WDR20: variants seen among roughly 807,000 people sequenced by gnomAD.
WDR20 encodes the protein WD repeat-containing protein 20.
WDR20 carries 3 observed loss-of-function variants against 38.7 expected under a neutral mutation model. The ratio of observed to expected loss-of-function variants is 0.08; its 90% CI spans 0.04 to 0.20. The LOEUF is 0.20. Among genes scored for constraint, WDR20 ranks in the 10% least tolerant of loss-of-function variants. The pLI is 1.00. For missense variants in WDR20, 559 were observed against 727.7 expected (o/e 0.77, Z 2.67); for synonymous variants, 298 against 285.6 (o/e 1.04, Z -0.44).
rs1002607323 is a variant in WDR20, at chr14:102,208,374, G to A, written c.433-229G>A. Among the ~76,000 whole-genome samples, 3 of 152,174 alleles carry A rather than the reference G, an allele frequency of 2.0e-5. No homozygotes were observed. Among genetic ancestry groups the A allele is most frequent in the Non-Finnish European group, 4.4e-5 (3 of 68,032 alleles). Reference sequence around the variant, plus strand: ...CTCTGCAAATATCTGTTGGCTGCCTGACTCCCTCCGTGAAAGCCAGCAGCC... The same window carrying A: ...CTCTGCAAATATCTGTTGGCTGCCTAACTCCCTCCGTGAAAGCCAGCAGCC... On this transcript the variant is annotated intron_variant, in intron 2 of 2. Coordinates refer to ENST00000342702, the MANE Select transcript of WDR20 (RefSeq NM_144574.4). This position sits in a 1 kb window ranked among gnomAD's most constrained non-coding sequence, Gnocchi z 5.6.
chr14:102,141,967 T>C (rs1192052022), intron 1 of WDR20, among the ~76,000 whole-genome samples: 1 of 152,202 alleles, frequency 6.6e-6, no homozygotes, highest in Non-Finnish European at 1.5e-5. Context: ...TGGCAGACCT[T>C]ATCTGGATCT....
At chr14:102,195,174 C>T in intron 2 of WDR20, 54 bp downstream of exon 2, 1 of 1,578,554 alleles carries the variant, frequency 6.3e-7, no homozygotes, top group Non-Finnish European at 8.6e-7. Context: ...TTGATACATT[C>T]TTACCGAGGG....
chr14:102,154,746 T>A (rs544634369), intron 1 of WDR20, among the ~76,000 whole-genome samples: 1 of 152,198 alleles, frequency 6.6e-6, no homozygotes, highest in Non-Finnish European at 1.5e-5. Flanking sequence ...AATGAGTGTA[T>A]ACTTTGTTGC....
At chr14:102,140,714 C>T (rs1438700157) in intron 1 of WDR20, among the ~76,000 whole-genome samples, 2 of 152,186 alleles carry the variant, frequency 1.3e-5, no homozygotes, top group South Asian at 2.1e-4. Context: ...ACTGACACTT[C>T]CTAGGAGCCT....
At chr14:102,173,430 TAAAA>T (rs2061387328) in intron 1 of WDR20, among the ~76,000 whole-genome samples, 1 of 135,204 alleles carries the variant, frequency 7.4e-6, no homozygotes, top group East Asian at 2.1e-4. Flanking sequence ...TTTCTTTTTT[TAAAA>T]TTATTATTAT....
intron 1 of WDR20, among the ~76,000 whole-genome samples, chr14:102,153,407 C>T (rs1393697707): frequency 6.7e-6 from 1 of 150,322 alleles, no homozygotes; most frequent in Non-Finnish European, 1.5e-5. Flanking sequence ...CCTGGGTTCA[C>T]GCCATTCTCC....
At chr14:102,201,703 A>G (rs2060421253) in intron 2 of WDR20, among the ~76,000 whole-genome samples, 1 of 152,150 alleles carries the variant, frequency 6.6e-6, no homozygotes, top group Non-Finnish European at 1.5e-5. Flanking sequence ...GTACATAGAA[A>G]TGTGTCTGTA....
At chr14:102,197,987 G>C (rs1445237471) in intron 2 of WDR20, 1 of 533,336 alleles carries the variant, frequency 1.9e-6, no homozygotes, top group African/African-American at 1.9e-5. Flanking sequence ...GGAGGGAAGA[G>C]AGGTATAATA....
chr14:102,184,704 T>A (rs2064179340), intron 1 of WDR20, among the ~76,000 whole-genome samples: 1 of 152,172 alleles, frequency 6.6e-6, no homozygotes, highest in Non-Finnish European at 1.5e-5. Flanking sequence ...TGACTGTGTG[T>A]CTCTTCTCAT....
chr14:102,171,003 C>G (rs150911697), intron 1 of WDR20, among the ~76,000 whole-genome samples: 2,101 of 151,878 alleles, frequency 0.014, 59 homozygotes, highest in African/African-American at 0.048. Context: ...GCTCTGTCAC[C>G]CAGGCTAGAG....
chr14:102,201,587 G>C (rs1305882716), intron 2 of WDR20, among the ~76,000 whole-genome samples: 3 of 152,184 alleles, frequency 2.0e-5, no homozygotes, highest in African/African-American at 7.2e-5. Context: ...GGCACGGTCT[G>C]TTTGGCCTGC....
At chr14:102,146,205 C>T (rs1433796997) in intron 1 of WDR20, among the ~76,000 whole-genome samples, 2 of 151,968 alleles carry the variant, frequency 1.3e-5, no homozygotes, top group African/African-American at 4.8e-5. Context: ...GCTCTGTCGC[C>T]CAGGCTGGAG....
chr14:102,194,859 T>G lies in WDR20; in HGVS notation c.250-79T>G, dbSNP rs2059156303. 8.0e-6 allele frequency: 11 copies of G among 1,377,836 alleles called. No homozygotes were observed. In the South Asian group the frequency reaches 9.4e-5, roughly 12 times the overall value. The allele number at this position is 1,377,836 out of a possible 1,614,324, so 85.4% of individuals were successfully genotyped here. Reference sequence around the variant, plus strand: ...TTGTTTTTAAGATGAAACATCATAATGGAGTATAAAGTAGCATAACTTAGA... The same window carrying G: ...TTGTTTTTAAGATGAAACATCATAAGGGAGTATAAAGTAGCATAACTTAGA... On this transcript the variant is annotated intron_variant, in intron 1 of 2. Coordinates refer to ENST00000342702, the MANE Select transcript of WDR20 (RefSeq NM_144574.4).
intron 1 of WDR20, among the ~76,000 whole-genome samples, chr14:102,151,173 ATTTTTTTT>A (rs534503694): frequency 1.5e-4 from 17 of 111,530 alleles, no homozygotes; most frequent in East Asian, 7.3e-4. Flanking sequence ...CCATTGGGGA[ATTTTTTTT>A]TTTTTTTTTT....
Position 102,220,543 on chromosome 14 carries a change from A to T in WDR20, c.1693-2287A>T, listed in dbSNP as rs895486118. 6.6e-6 allele frequency among the ~76,000 whole-genome samples: 1 copy of T among 152,106 alleles called. No homozygotes were observed. Among genetic ancestry groups the T allele is most frequent in the Admixed American group, 6.5e-5 (1 of 15,280 alleles). The stretch of plus-strand genomic sequence containing the variant: ...TCTTCAAGACCATCCTAACAGTGAA[A>T]CCCCATCTCTACTAAAACTACAAAA... On this transcript the variant is annotated intron_variant, in intron 3 of 3. Transcript: ENST00000335263. This position sits in a 1 kb window ranked among gnomAD's most constrained non-coding sequence, Gnocchi z 4.2.
Position 102,153,070 on chromosome 14 carries a change from A to G in WDR20, c.249+12898A>G, listed in dbSNP as rs576142111. The stretch of plus-strand genomic sequence containing the variant: ...TCTCAGGAATGGTTTAGCACCATCT[A>G]CTTGGTGCTGCCCTCACGCTAGTGA... On this transcript the variant is annotated intron_variant, in intron 1 of 2. Coordinates refer to ENST00000342702, the MANE Select transcript of WDR20 (RefSeq NM_144574.4). Among the ~76,000 whole-genome samples the G allele has an allele frequency of 3.9e-5, 6 of 152,214 alleles. No homozygotes were observed. The South Asian group carries it at 8.3e-4, about 21-fold the overall frequency.
At chr14:102,196,905 T>C (rs1407671107) in intron 2 of WDR20, among the ~76,000 whole-genome samples, 3 of 152,242 alleles carry the variant, frequency 2.0e-5, no homozygotes, top group African/African-American at 4.8e-5. Flanking sequence ...AGCTTGAGGC[T>C]GAAATCGATT....
intron 1 of WDR20, among the ~76,000 whole-genome samples, chr14:102,161,751 A>T (rs2058807008): frequency 6.6e-6 from 1 of 152,040 alleles, no homozygotes. Flanking sequence ...AGCCCGGTTT[A>T]GGTGGCAAAA....
chr14:102,176,253 G>C (rs2062039389), intron 1 of WDR20, among the ~76,000 whole-genome samples: 1 of 151,958 alleles, frequency 6.6e-6, no homozygotes. Flanking sequence ...AAATTAGCCG[G>C]GCGTGGTGGC....
Sources: allele counts gnomAD v4.1 joint callset (sites outside exome capture counted in the v4.1 genomes callset), GRCh38; gene constraint gnomAD v4.1.1; non-coding constraint Gnocchi (gnomAD v3.1); transcripts MANE v1.5; gene names NCBI Gene and HGNC (gene_info 2026-07-23, HGNC 2026-07-21).